The following NCOR1 variants were observed in gnomAD, a reference collection of about 807,000 sequenced individuals.
The protein encoded by NCOR1 is nuclear receptor corepressor 1.
In NCOR1, 63 loss-of-function variants were observed where a neutral mutation model predicts 288.1. The observed-to-expected ratio is 0.22, with a 90% CI of 0.18 to 0.27. The LOEUF is 0.27. NCOR1 is among the 10% of genes least tolerant of loss of function. NCOR1 has a pLI of 1.00. For missense variants in NCOR1, 2,397 were observed against 3,019.2 expected, an observed-to-expected ratio of 0.79 and a Z score of 4.83; for synonymous variants, 1,007 against 1,065.9, an observed-to-expected ratio of 0.94 and a Z score of 1.08.
At chr17:16,120,081 C>A (rs769321822) in intron 16 of NCOR1, among the ~76,000 whole-genome samples, 1 of 152,206 alleles carries the variant, frequency 6.6e-6, no homozygotes, top group Non-Finnish European at 1.5e-5. Flanking sequence ...AGCATTCACC[C>A]AGTCACTCAA....
intron 18 of NCOR1, among the ~76,000 whole-genome samples, chr17:16,110,092 T>C (rs375027233): frequency 4.6e-5 from 7 of 152,194 alleles, no homozygotes; most frequent in Admixed American, 2.6e-4. Context: ...TAGGAGCTCA[T>C]GTCTATAATC....
At chr17:16,126,801 A>C (rs2074127159) in intron 14 of NCOR1, among the ~76,000 whole-genome samples, 1 of 152,210 alleles carries the variant, frequency 6.6e-6, no homozygotes, top group African/African-American at 2.4e-5. Context: ...GAATCCTTTT[A>C]TCTCTGATGT....
rs2063143804 is a variant in NCOR1 at position 16,079,957 on chromosome 17, G to C, written c.3501+7C>G. ...TGTTGAGTATATCAGAGATGATCGT[G>C]ACTAACCTGAGTGATAGAGCCCCGT... On this transcript the variant is annotated splice_region_variant and intron_variant, in intron 26 of 45. Coordinates refer to ENST00000268712, the MANE Select transcript of NCOR1 (RefSeq NM_006311.4). 1.2e-6 allele frequency: 2 copies of C among 1,607,394 alleles called. No individual in the cohort carries two copies. The highest frequency in any genetic ancestry group is 4.5e-5 in the East Asian group (2 of 44,840).
chr17:16,138,230 CAA>C lies in NCOR1; in HGVS notation c.1353-20_1353-19del, dbSNP rs1436297225. 1 of 1,587,882 alleles carries C rather than the reference CAA, an allele frequency of 6.3e-7. No individual in the cohort carries two copies. Among genetic ancestry groups the C allele is most frequent in the Non-Finnish European group, 8.6e-7 (1 of 1,163,518 alleles). ...GGATAAACCTGAGTGAAAACGAAAA[CAA>C]AAACACACTTGCGTACAAATATTTC... On this transcript the variant is annotated intron_variant, in intron 12 of 45. Transcript: ENST00000268712.
intron 18 of NCOR1, among the ~76,000 whole-genome samples, 193 bp downstream of exon 18, chr17:16,117,692 GGGC>G (rs1555672974): frequency 6.6e-6 from 1 of 151,898 alleles, no homozygotes; most frequent in Non-Finnish European, 1.5e-5. Flanking sequence ...GCATGGTGGC[GGGC>G]GCCTGTAGTC....
At chr17:16,060,348 G>T (rs1051170808) in intron 37 of NCOR1, among the ~76,000 whole-genome samples, 2 of 152,224 alleles carry the variant, frequency 1.3e-5, no homozygotes, top group Non-Finnish European at 2.9e-5. Context: ...TTAATCCAAT[G>T]ATTAAGGAAC....
intron 6 of NCOR1, among the ~76,000 whole-genome samples, chr17:16,158,508 T>G (rs527364980): frequency 6.6e-6 from 1 of 152,296 alleles, no homozygotes; most frequent in East Asian, 1.9e-4. Context: ...AAAATTTCAC[T>G]GATTAAATAT....
intron 5 of NCOR1, among the ~76,000 whole-genome samples, chr17:16,160,218 G>A (rs2080549499): frequency 6.6e-6 from 1 of 151,984 alleles, no homozygotes; most frequent in East Asian, 1.9e-4. Context: ...CTTTTTGAAA[G>A]GACTAAATGA....
At chr17:16,162,148 A>G (rs933203837) in intron 5 of NCOR1, among the ~76,000 whole-genome samples, 8 of 152,134 alleles carry the variant, frequency 5.3e-5, no homozygotes, top group African/African-American at 9.6e-5. Flanking sequence ...CAGAAATTCC[A>G]GCAATAAAAA....
rs752330187 is a variant in NCOR1 at position 16,034,975 on chromosome 17, T to C, written c.6956-31A>G. 5 of 1,599,708 alleles carry C rather than the reference T, an allele frequency of 3.1e-6. No homozygotes were observed. The South Asian group carries it at 4.4e-5, about 14-fold the overall frequency. On this transcript the variant is annotated intron_variant, in intron 44 of 45. Coordinates refer to ENST00000268712, the MANE Select transcript of NCOR1 (RefSeq NM_006311.4). ...AGTGAAATTCAAGTTAAAGTATTAATATATTAAGTTCTCAAAAATTACCAA... is the reference window on the plus strand; with the variant it reads ...AGTGAAATTCAAGTTAAAGTATTAACATATTAAGTTCTCAAAAATTACCAA...
At chr17:16,187,159 G>A (rs1198501124) in intron 2 of NCOR1, among the ~76,000 whole-genome samples, 1 of 150,236 alleles carries the variant, frequency 6.7e-6, no homozygotes, top group African/African-American at 2.4e-5. Flanking sequence ...CTAGGTGAGT[G>A]TTTTTATGTT....
chr17:16,113,953 C>A (rs751553183), intron 18 of NCOR1, among the ~76,000 whole-genome samples: 3 of 151,648 alleles, frequency 2.0e-5, no homozygotes, highest in Non-Finnish European at 4.4e-5. Flanking sequence ...ATTAAAAAAA[C>A]ATTATCAATC....
rs1015475822 is a variant in NCOR1 at position 16,105,992 on chromosome 17, C to T, written c.2182+2794G>A. ...GCAAGTGCCTATAATCCCAGCTACT[C>T]GGGAGGCTGAGGCAGGGGAATTGCT... On this transcript the variant is annotated intron_variant, in intron 19 of 45. Transcript: ENST00000268712. 6.6e-5 allele frequency among the ~76,000 whole-genome samples: 10 copies of T among 151,996 alleles called. No homozygotes were observed. The South Asian group carries it at 1.7e-3, about 25-fold the overall frequency.
rs544377199 is a variant in NCOR1 at position 16,035,082 on chromosome 17, TA to T, written c.6956-139del. On this transcript the variant is annotated intron_variant, in intron 44 of 45. Coordinates refer to ENST00000268712, the MANE Select transcript of NCOR1 (RefSeq NM_006311.4). ...ATCCAGATCCTGGTACTCAATGAAA[TA>T]AAATACTACAGGCATACCTCAGAGA... is the stretch of plus-strand genomic sequence containing the variant. 6.1e-5 allele frequency: 48 copies of T among 787,578 alleles called. No homozygotes were observed. The African/African-American group carries it at 7.4e-4, about 12-fold the overall frequency. The allele number at this position is 787,578 out of a possible 1,614,324, so 48.8% of individuals were successfully genotyped here.
chr17:16,063,773 G>C (rs1450984276), intron 35 of NCOR1, among the ~76,000 whole-genome samples: 1 of 152,154 alleles, frequency 6.6e-6, no homozygotes, highest in Non-Finnish European at 1.5e-5. Context: ...TTTTGCTAGG[G>C]CTGTTCTTTC....
intron 42 of NCOR1, among the ~76,000 whole-genome samples, chr17:16,043,819 G>A (rs1164946459): frequency 6.6e-6 from 1 of 152,210 alleles, no homozygotes; most frequent in African/African-American, 2.4e-5. Context: ...TTGAGGAGCT[G>A]TAAATAATAG....
At chr17:16,173,334 G>GAA (rs1367073914) in intron 3 of NCOR1, among the ~76,000 whole-genome samples, 1 of 152,030 alleles carries the variant, frequency 6.6e-6, no homozygotes, top group African/African-American at 2.4e-5. Flanking sequence ...TCAGGAATGG[G>GAA]AAACTTCAGG....
intron 2 of NCOR1, 110 bp downstream of exon 2, chr17:16,194,351 TA>T (rs879777410): frequency 0.12 from 57,214 of 478,624 alleles, no homozygotes; most frequent in South Asian, 0.16. Flanking sequence ...TCTTGCAACT[TA>T]AAAAAAAAAA....
intron 14 of NCOR1, among the ~76,000 whole-genome samples, chr17:16,127,244 T>C (rs915698855): frequency 7.3e-6 from 1 of 136,514 alleles, no homozygotes; most frequent in Non-Finnish European, 1.5e-5. Flanking sequence ...TGCATATATG[T>C]ATGTATATAT....
Sources: gnomAD v4.1 joint callset for allele counts (sites outside exome capture counted in the v4.1 genomes callset) on GRCh38, gnomAD v4.1.1 for gene constraint, MANE v1.5 for transcripts, NCBI Gene and HGNC (gene_info 2026-07-23, HGNC 2026-07-21) for gene names.